TASP1: variants seen among roughly 807,000 people sequenced by gnomAD.
The protein encoded by TASP1 is taspase 1, also known as threonine aspartase 1.
In TASP1, 16 loss-of-function variants were observed where a neutral mutation model predicts 56.6. The ratio of observed to expected loss-of-function variants is 0.28; its 90% CI spans 0.19 to 0.43. The LOEUF (loss-of-function observed/expected upper bound fraction) is 0.43, where lower values mean the gene tolerates loss of function less well. TASP1 is among the 20% of genes least tolerant of loss of function. The pLI, the probability that TASP1 is intolerant of heterozygous loss-of-function variation, is 1.00. For missense variants in TASP1, 393 were observed against 511.6 expected (o/e 0.77, Z 2.24); for synonymous variants, 179 against 184.2 (o/e 0.97, Z 0.23).
chr20:13,247,232 C>CAA, the TASP1 span, among the ~76,000 whole-genome samples: 2 of 147,594 alleles, frequency 1.4e-5, no homozygotes, highest in Admixed American at 1.4e-4. Flanking sequence ...ATCTCCGTCT[C>CAA]AAAAAAAAAA....
At chr20:13,221,765 C>T in the TASP1 span, 3 of 1,430,680 alleles carry the variant, frequency 2.1e-6, no homozygotes, top group African/African-American at 4.5e-5. Context: ...TAAAGCCGCG[C>T]GTCTCAAAAG....
the TASP1 span, among the ~76,000 whole-genome samples, chr20:13,362,808 A>AATATATATATACATATATATATATAT: frequency 1.7e-5 from 2 of 114,776 alleles, no homozygotes; most frequent in African/African-American, 6.3e-5. Flanking sequence ...AATAGCAAGA[A>AATATATATATACATATATATATATAT]ATATATATAT....
At chr20:13,493,861 T>C (rs1282329102) in intron 10 of TASP1, among the ~76,000 whole-genome samples, 1 of 152,228 alleles carries the variant, frequency 6.6e-6, no homozygotes, top group Non-Finnish European at 1.5e-5. Flanking sequence ...CCTTGCTTTC[T>C]GTTCTAAATT....
At chr20:13,359,482 C>T in the TASP1 span, among the ~76,000 whole-genome samples, 107 of 149,822 alleles carry the variant, frequency 7.1e-4, 1 homozygote, top group Admixed American at 1.2e-3. Flanking sequence ...TCACGGATGC[C>T]GAGCTTCGGG....
the TASP1 span, among the ~76,000 whole-genome samples, chr20:13,302,871 GC>G: frequency 1.3e-5 from 2 of 152,150 alleles, no homozygotes; most frequent in Non-Finnish European, 2.9e-5. Flanking sequence ...GCAGCCTATA[GC>G]TTTCTCTTCG....
At chr20:13,415,047 T>A (rs1234797069) in intron 13 of TASP1, among the ~76,000 whole-genome samples, 1 of 152,154 alleles carries the variant, frequency 6.6e-6, no homozygotes, top group Non-Finnish European at 1.5e-5. Flanking sequence ...AAGACAATTT[T>A]TGAAAACAAG....
At chr20:13,495,487 T>C (rs1179588395) in intron 10 of TASP1, among the ~76,000 whole-genome samples, 1 of 152,156 alleles carries the variant, frequency 6.6e-6, no homozygotes, top group East Asian at 1.9e-4. Flanking sequence ...GAAAATAGTA[T>C]TCATATTTTA....
chr20:13,220,946 G>T, the TASP1 span, among the ~76,000 whole-genome samples: 1 of 151,636 alleles, frequency 6.6e-6, no homozygotes, highest in East Asian at 2.0e-4. Flanking sequence ...GCCCGTCACA[G>T]CGACCTCGGC....
intron 10 of TASP1, among the ~76,000 whole-genome samples, chr20:13,515,500 G>A (rs1447674437): frequency 6.1e-5 from 9 of 148,416 alleles, no homozygotes; most frequent in Admixed American, 2.0e-4. Context: ...CAGACCCACT[G>A]GATCATAGCC....
At chr20:13,620,289 C>G (rs2048664950) in intron 4 of TASP1, among the ~76,000 whole-genome samples, 3 of 152,050 alleles carry the variant, frequency 2.0e-5, no homozygotes, top group African/African-American at 4.8e-5. Context: ...CACACACACA[C>G]ACACACACAC....
intron 13 of TASP1, among the ~76,000 whole-genome samples, chr20:13,407,907 C>T (rs1333904368): frequency 2.6e-5 from 4 of 152,112 alleles, no homozygotes; most frequent in African/African-American, 4.8e-5. Context: ...AGATCTCATG[C>T]CCATTTTATG....
intron 4 of TASP1, among the ~76,000 whole-genome samples, chr20:13,599,979 C>T (rs555158774): frequency 6.6e-6 from 1 of 152,098 alleles, no homozygotes; most frequent in East Asian, 1.9e-4. Flanking sequence ...TAAACAAAAA[C>T]TTTTTCTATA....
chr20:13,506,914 A>T (rs1462575482), intron 10 of TASP1, among the ~76,000 whole-genome samples: 1 of 151,376 alleles, frequency 6.6e-6, no homozygotes, highest in African/African-American at 2.4e-5. Flanking sequence ...GAATTTTGGT[A>T]CATTGTGTTT....
Position 13,390,389 on chromosome 20 carries a change from C to T in TASP1, c.1234G>A (p.Val412Met). 6.2e-7 allele frequency: 1 copy of T among 1,614,068 alleles called. No individual in the cohort carries two copies. The highest frequency in any genetic ancestry group is 8.5e-7 in the Non-Finnish European group (1 of 1,179,966). The change falls in exon 14 of 14, where the codon GTG becomes ATG. Residue 412 changes from valine to methionine, a missense_variant. By Grantham distance (21) the Val-to-Met change is conservative. Coordinates refer to ENST00000337743, the MANE Select transcript of TASP1 (RefSeq NM_017714.3). ...TTCACTGGGCTCTCCAGGCGGCACA[C>T]CCCACCTTCGATTGCCACAGACTGT... ...AGQSVAIEGG[V>M]CRLESPVN
chr20:13,308,778 A>G, the TASP1 span, among the ~76,000 whole-genome samples: 1 of 152,310 alleles, frequency 6.6e-6, no homozygotes, highest in South Asian at 2.1e-4. Context: ...CCCCAAAGTT[A>G]TGATATTCGG....
the TASP1 span, among the ~76,000 whole-genome samples, chr20:13,108,843 A>C: frequency 6.6e-6 from 1 of 152,202 alleles, no homozygotes. Flanking sequence ...TGAGCATTTT[A>C]AATGGTGTTT....
chr20:13,132,916 C>T, the TASP1 span: 1 of 153,350 alleles, frequency 6.5e-6, no homozygotes, highest in South Asian at 2.1e-4. Context: ...CATGAAGTTT[C>T]CAGCCCCTGC....
chr20:13,126,520 C>A, the TASP1 span: 2 of 1,567,180 alleles, frequency 1.3e-6, no homozygotes, highest in South Asian at 1.2e-5. Context: ...AGGGATGGGA[C>A]TAGATGTAAT....
At chr20:13,506,874 A>G (rs1325671831) in intron 10 of TASP1, among the ~76,000 whole-genome samples, 1 of 120,760 alleles carries the variant, frequency 8.3e-6, no homozygotes, top group Non-Finnish European at 1.8e-5. Context: ...AGCCAGAGAA[A>G]TTAGGCCAAA....
Sources: gnomAD v4.1 joint callset for allele counts (sites outside exome capture counted in the v4.1 genomes callset) on GRCh38, gnomAD v4.1.1 for gene constraint, MANE v1.5 for transcripts, NCBI Gene and HGNC (gene_info 2026-07-23, HGNC 2026-07-21) for gene names.